Variants in HMGCLL1 observed in about 807,000 individuals in gnomAD.
The protein encoded by HMGCLL1 is 3-hydroxymethyl-3-methylglutaryl-CoA lyase, cytoplasmic.
Under a neutral mutation model 39.1 loss-of-function variants are expected in HMGCLL1, and 36 were observed. That is an observed-to-expected ratio of 0.92 (90% confidence interval 0.71 to 1.22). HMGCLL1 has a LOEUF of 1.22. Ranked by LOEUF, HMGCLL1 falls within the 50% of genes most tolerant of loss-of-function variation. The pLI, the probability that HMGCLL1 is intolerant of heterozygous loss-of-function variation, is 0.00. For synonymous variants in HMGCLL1, 149 were observed against 144.0 expected (o/e 1.03, Z -0.25); for missense variants, 451 against 416.5 (o/e 1.08, Z -0.72).
intron 1 of HMGCLL1, among the ~76,000 whole-genome samples, chr6:55,573,809 A>T (rs551947736): frequency 1.3e-5 from 2 of 152,250 alleles, no homozygotes; most frequent in Middle Eastern, 6.8e-3. Context: ...CAAAATATGA[A>T]ACCCAACAAA....
chr6:55,548,242 C>G (rs1770108333), intron 1 of HMGCLL1, among the ~76,000 whole-genome samples: 1 of 151,906 alleles, frequency 6.6e-6, no homozygotes, highest in Non-Finnish European at 1.5e-5. Context: ...TTTCAACAGC[C>G]TTCAGTAAAA....
the HMGCLL1 span, among the ~76,000 whole-genome samples, chr6:55,651,295 A>G: frequency 2.0e-5 from 3 of 152,108 alleles, no homozygotes; most frequent in South Asian, 6.2e-4. Flanking sequence ...GACGAAGTGC[A>G]GCTCCAGTAG....
intron 5 of HMGCLL1, among the ~76,000 whole-genome samples, chr6:55,511,877 T>C (rs1767481513): frequency 6.6e-6 from 1 of 152,126 alleles, no homozygotes; most frequent in African/African-American, 2.4e-5. Context: ...TCAGGAGTTG[T>C]ACTCCAAAGG....
chr6:55,632,894 G>C, the HMGCLL1 span, among the ~76,000 whole-genome samples: 4 of 152,068 alleles, frequency 2.6e-5, no homozygotes, highest in Middle Eastern at 3.4e-3. Context: ...TTATTGACTG[G>C]CTGGGGATAC....
the HMGCLL1 span, among the ~76,000 whole-genome samples, chr6:55,638,980 A>G: frequency 1.3e-5 from 2 of 152,252 alleles, no homozygotes; most frequent in Admixed American, 1.3e-4. Flanking sequence ...ACACAGGAAA[A>G]TGACAATATT....
At chr6:55,504,467 C>A (rs960589626) in intron 5 of HMGCLL1, among the ~76,000 whole-genome samples, 3 of 151,620 alleles carry the variant, frequency 2.0e-5, no homozygotes, top group Non-Finnish European at 4.4e-5. Flanking sequence ...GCTAAAAACT[C>A]TTTGAAGTTA....
chr6:55,498,849 A>G (rs1487790092), intron 6 of HMGCLL1, among the ~76,000 whole-genome samples: 1 of 152,148 alleles, frequency 6.6e-6, no homozygotes, highest in Non-Finnish European at 1.5e-5. Flanking sequence ...CAAAGTATGC[A>G]GGAGCAAAAC....
At chr6:55,472,937 A>G (rs2127404792) in intron 7 of HMGCLL1, among the ~76,000 whole-genome samples, 1 of 151,590 alleles carries the variant, frequency 6.6e-6, no homozygotes, top group South Asian at 2.1e-4. Context: ...TTAGATTTAT[A>G]AAAATTTACA....
At position 55,517,529 on chromosome 6, in the gene HMGCLL1, T is replaced by C. The variant is rs1306243728; in HGVS notation, c.298-926A>G. Among the ~76,000 whole-genome samples the C allele has an allele frequency of 3.9e-5, 6 of 151,986 alleles. No individual in the cohort carries two copies. The East Asian group carries it at 5.8e-4, about 15-fold the overall frequency. On this transcript the variant is annotated intron_variant, in intron 3 of 8. Coordinates refer to ENST00000274901, the MANE Select transcript of HMGCLL1 (RefSeq NM_001042406.2). Reference sequence around the variant, plus strand: ...AAAACTGGAATCCTCAATATAGAAATGCAGAAAAAGGGCTATTGGGTTTTC... The same window carrying C: ...AAAACTGGAATCCTCAATATAGAAACGCAGAAAAAGGGCTATTGGGTTTTC...
rs769587328 is a variant in HMGCLL1 at position 55,514,144 on chromosome 6, AAGGATTC to A, written c.439_445del (p.Glu147LeufsTer27). On this transcript the variant is annotated frameshift_variant, in exon 5 of 9. Transcript: ENST00000274901. LOFTEE classifies it high-confidence loss of function. ...GGAACAGTTAATATTCTTCTTGCTA[AAGGATTC>A]AGATGCAGCTCCAAAAACTGATATC... 1.2e-6 allele frequency: 2 copies of A among 1,612,590 alleles called. No homozygotes were observed. The highest frequency in any genetic ancestry group is 1.7e-6 in the Non-Finnish European group (2 of 1,179,374).
At chr6:55,508,289 A>G (rs7768633) in intron 5 of HMGCLL1, among the ~76,000 whole-genome samples, 102,181 of 151,606 alleles carry the variant, frequency 0.67, 34,476 homozygotes, top group Non-Finnish European at 0.7. Context: ...CTGGTTAGAT[A>G]TTTCCAAGGT....
At chr6:55,595,715 TGGTTGGGAAACAC>T in the HMGCLL1 span, among the ~76,000 whole-genome samples, 3 of 152,278 alleles carry the variant, frequency 2.0e-5, no homozygotes, top group African/African-American at 7.2e-5. Context: ...TACTTGGAAT[TGGTTGGGAAACAC>T]AAATAATTCA....
At chr6:55,450,639 G>T (rs894612815) in intron 7 of HMGCLL1, among the ~76,000 whole-genome samples, 1 of 152,118 alleles carries the variant, frequency 6.6e-6, no homozygotes, top group South Asian at 2.1e-4. Flanking sequence ...GAAGTTGAGG[G>T]GGGTATGTGA....
At chr6:55,579,548 C>G (rs1300581965), upstream of HMGCLL1, among the ~76,000 whole-genome samples, 1 of 151,408 alleles carries the variant, frequency 6.6e-6, no homozygotes, top group Non-Finnish European at 1.5e-5. Context: ...GTTGAGCTCA[C>G]GGAGTTTATG....
rs893942589 is a variant in HMGCLL1, at chr6:55,514,344, C to G, written c.394-148G>C. The G allele has an allele frequency of 7.1e-6, 4 of 564,018 alleles. No homozygotes were observed. In the African/African-American group the frequency reaches 7.8e-5, roughly 11 times the overall value. 34.9% of individuals were successfully genotyped at this position (564,018 alleles called of 1,614,324 possible). A position where few individuals can be genotyped will look rare whatever the true frequency, so the allele number is the denominator to read the frequency against. The stretch of plus-strand genomic sequence containing the variant: ...TAAAATTGGATTCCTCTCATCTTGC[C>G]ACATATATTCTTTCGAAATGTAAAA... On this transcript the variant is annotated intron_variant, in intron 4 of 8. Coordinates refer to ENST00000274901, the MANE Select transcript of HMGCLL1 (RefSeq NM_001042406.2).
the HMGCLL1 span, among the ~76,000 whole-genome samples, chr6:55,643,563 T>C: frequency 6.6e-6 from 1 of 151,942 alleles, no homozygotes; most frequent in Non-Finnish European, 1.5e-5. Flanking sequence ...TTTTTCTTTC[T>C]AGTTTTTTTG....
At chr6:55,561,267 A>G (rs967626069) in intron 1 of HMGCLL1, among the ~76,000 whole-genome samples, 1 of 152,124 alleles carries the variant, frequency 6.6e-6, no homozygotes, top group Non-Finnish European at 1.5e-5. Context: ...TCTTTAAAAC[A>G]TTGATCCTTT....
intron 7 of HMGCLL1, among the ~76,000 whole-genome samples, chr6:55,485,712 G>A (rs931130110): frequency 5.9e-5 from 9 of 151,714 alleles, no homozygotes; most frequent in African/African-American, 2.2e-4. Flanking sequence ...TCAGCCCCAC[G>A]AAACAAATGC....
chr6:55,650,104 TA>T, the HMGCLL1 span, among the ~76,000 whole-genome samples: 1 of 68,756 alleles, frequency 1.5e-5, no homozygotes. Context: ...TATATATATA[TA>T]TATATATATA....
Sources: gnomAD v4.1 joint callset for allele counts (sites outside exome capture counted in the v4.1 genomes callset) on GRCh38, gnomAD v4.1.1 for gene constraint, MANE v1.5 for transcripts, NCBI Gene and HGNC (gene_info 2026-07-23, HGNC 2026-07-21) for gene names.